Variants in CCDC7 observed in about 807,000 individuals in gnomAD.
CCDC7 encodes the protein coiled-coil domain containing 7.
Under a neutral mutation model 196.9 loss-of-function variants are expected in CCDC7, and 183 were observed. That is an observed-to-expected ratio of 0.93 (90% CI 0.82 to 1.05). The LOEUF (loss-of-function observed/expected upper bound fraction) is 1.05. CCDC7 is among the 50% of genes least tolerant of loss of function. The pLI is 0.00. For missense variants in CCDC7, 1,540 were observed against 1,482.2 expected (o/e 1.04, Z -0.64); for synonymous variants, 525 against 484.6 (o/e 1.08, Z -1.10).
intron 9 of CCDC7, among the ~76,000 whole-genome samples, chr10:32,504,120 T>TTTG (rs1216165019): frequency 7.0e-6 from 1 of 142,520 alleles, no homozygotes; most frequent in Non-Finnish European, 1.5e-5. Context: ...TGCTGGTTTT[T>TTTG]TTTTTTTTTT....
chr10:32,601,234 G>C (rs1305511120), intron 18 of CCDC7, among the ~76,000 whole-genome samples: 1 of 152,062 alleles, frequency 6.6e-6, no homozygotes, highest in Non-Finnish European at 1.5e-5. Flanking sequence ...CACCACACTT[G>C]GCTAATTTTG....
At chr10:32,786,180 G>A (rs1220507924) in intron 29 of CCDC7, among the ~76,000 whole-genome samples, 2 of 152,162 alleles carry the variant, frequency 1.3e-5, no homozygotes, top group Non-Finnish European at 2.9e-5. Flanking sequence ...GATTTCAGTG[G>A]TAACACACAG....
At chr10:32,669,859 T>G (rs2073701538) in intron 21 of CCDC7, among the ~76,000 whole-genome samples, 1 of 152,184 alleles carries the variant, frequency 6.6e-6, no homozygotes, top group African/African-American at 2.4e-5. Flanking sequence ...TTTTAAATAT[T>G]TAACTTTCAG....
chr10:32,670,116 G>C (rs950492125), intron 21 of CCDC7, among the ~76,000 whole-genome samples: 1 of 152,018 alleles, frequency 6.6e-6, no homozygotes, highest in Non-Finnish European at 1.5e-5. Context: ...TTTCCTCTTA[G>C]AGACCCTTTA....
At chr10:32,872,362 C>A (rs532054326) in intron 41 of CCDC7, among the ~76,000 whole-genome samples, 114 of 151,866 alleles carry the variant, frequency 7.5e-4, no homozygotes, top group African/African-American at 2.5e-3. Context: ...GATTGCAACC[C>A]CTGCCTTTTT....
chr10:32,828,461 A>AGAAGAAGAAGAAGAAGAAGAGGAAGAG (rs2091543061), intron 32 of CCDC7, among the ~76,000 whole-genome samples: 1 of 70,730 alleles, frequency 1.4e-5, no homozygotes, highest in African/African-American at 4.1e-5. Context: ...AAGAAGAAGA[A>AGAAGAAGAAGAAGAAGAAGAGGAAGAG]GAAGAGGAAG....
intron 9 of CCDC7, among the ~76,000 whole-genome samples, chr10:32,515,692 T>C (rs1173235215): frequency 6.6e-6 from 1 of 151,612 alleles, no homozygotes; most frequent in Non-Finnish European, 1.5e-5. Flanking sequence ...TACAGGCGCC[T>C]GCCACCACAC....
intron 28 of CCDC7, among the ~76,000 whole-genome samples, chr10:32,763,727 A>G (rs1336735857): frequency 2.0e-5 from 3 of 151,968 alleles, no homozygotes; most frequent in African/African-American, 7.2e-5. Flanking sequence ...AGGCACATAA[A>G]GAAAAATTCT....
chr10:32,786,629 T>C (rs2081934150), intron 29 of CCDC7, among the ~76,000 whole-genome samples: 1 of 152,090 alleles, frequency 6.6e-6, no homozygotes, highest in African/African-American at 2.4e-5. Flanking sequence ...GGCATGGTAA[T>C]GCACACCTGT....
At chr10:32,533,360 G>A (rs868031537) in intron 11 of CCDC7, among the ~76,000 whole-genome samples, 3 of 151,162 alleles carry the variant, frequency 2.0e-5, no homozygotes, top group Admixed American at 6.6e-5. Context: ...CTCTTAACAG[G>A]TTGCTGTAAT....
At chr10:32,768,211 A>G (rs1479964730) in intron 28 of CCDC7, among the ~76,000 whole-genome samples, 2 of 152,148 alleles carry the variant, frequency 1.3e-5, no homozygotes, top group Non-Finnish European at 2.9e-5. Flanking sequence ...CCTTTCTTTC[A>G]TCAGTATTCT....
chr10:32,700,730 T>C (rs2078562078), intron 24 of CCDC7, among the ~76,000 whole-genome samples: 1 of 152,204 alleles, frequency 6.6e-6, no homozygotes, highest in Non-Finnish European at 1.5e-5. Context: ...TTTTATTTCA[T>C]TGAGCAGTGG....
intron 18 of CCDC7, among the ~76,000 whole-genome samples, chr10:32,594,256 G>A (rs1278714247): frequency 6.6e-6 from 1 of 152,100 alleles, no homozygotes; most frequent in African/African-American, 2.4e-5. Flanking sequence ...CTTTGAAGAG[G>A]TCCTTCACAG....
chr10:32,829,794 G>T (rs2091901983), intron 32 of CCDC7, among the ~76,000 whole-genome samples: 1 of 151,902 alleles, frequency 6.6e-6, no homozygotes, highest in Non-Finnish European at 1.5e-5. Flanking sequence ...TGCCAAAGGG[G>T]ATTAACATTT....
At chr10:32,836,051 T>C (rs1428363102) in intron 33 of CCDC7, among the ~76,000 whole-genome samples, 4 of 152,114 alleles carry the variant, frequency 2.6e-5, no homozygotes, top group African/African-American at 9.7e-5. Flanking sequence ...AGTTATTCAG[T>C]TGTGTTCCAC....
At chr10:32,762,157 A>G (rs1004671161) in intron 28 of CCDC7, among the ~76,000 whole-genome samples, 1 of 151,952 alleles carries the variant, frequency 6.6e-6, no homozygotes, top group Non-Finnish European at 1.5e-5. Flanking sequence ...GACCACATAT[A>G]GTGTTCCGCA....
In CCDC7 at chr10:32,582,968, G is replaced by T. The variant is rs1209288037; in HGVS notation, c.1455-66G>T. The T allele has an allele frequency of 7.6e-6, 7 of 925,448 alleles. No homozygotes were observed. The African/African-American group carries it at 1.2e-4, about 16-fold the overall frequency. 57.3% of individuals were successfully genotyped at this position (925,448 alleles called of 1,614,324 possible). The stretch of plus-strand genomic sequence containing the variant: ...TAATATCCTTATATATTATTAAAAT[G>T]ATTCTTCAGTTGCAAATAAAATGGT... On this transcript the variant is annotated intron_variant, in intron 16 of 41. Transcript: ENST00000639629.
rs532622913 is a variant in CCDC7 at position 32,584,899 on chromosome 10, A to G, written c.1801+595A>G. On this transcript the variant is annotated intron_variant, in intron 18 of 41. Coordinates refer to ENST00000639629, the Ensembl canonical transcript of CCDC7. ...TGTGGCATTATGAATTCTTAATATGACACCCGAAATTAATCTGAGCATAGC... is the reference window on the plus strand; with the variant it reads ...TGTGGCATTATGAATTCTTAATATGGCACCCGAAATTAATCTGAGCATAGC... Among the ~76,000 whole-genome samples the G allele has an allele frequency of 1.4e-3, 218 of 152,142 alleles. 1 individual carries two copies. The highest frequency in any genetic ancestry group is 5.0e-3 in the African/African-American group (207 of 41,502).
chr10:32,499,626 G>C (rs150869064), intron 9 of CCDC7, among the ~76,000 whole-genome samples: 1 of 148,770 alleles, frequency 6.7e-6, no homozygotes, highest in African/African-American at 2.5e-5. Flanking sequence ...AGTGTTTATT[G>C]ATCATTCTTG....
Sources: allele counts gnomAD v4.1 joint callset (sites outside exome capture counted in the v4.1 genomes callset), GRCh38; gene constraint gnomAD v4.1.1; transcripts MANE v1.5; gene names NCBI Gene and HGNC (gene_info 2026-07-23, HGNC 2026-07-21).